The following ANKRD54 variants were observed in gnomAD, a reference collection of about 807,000 sequenced individuals.
ANKRD54 encodes the protein ankyrin repeat domain 54.
A neutral mutation model predicts 36.2 loss-of-function variants in ANKRD54; 26 were observed. The ratio of observed to expected loss-of-function variants is 0.72; its 90% confidence interval spans 0.53 to 1.00. The LOEUF (loss-of-function observed/expected upper bound fraction) is 1.00. Among genes scored for constraint, ANKRD54 ranks in the 50% least tolerant of loss-of-function variants. The pLI, the probability that ANKRD54 is intolerant of heterozygous loss-of-function variation, is 0.00. For missense variants in ANKRD54, 384 were observed against 424.3 expected (o/e 0.91, Z 0.83); for synonymous variants, 209 against 188.4 (o/e 1.11, Z -0.89).
rs1241171503 is a variant in ANKRD54 at position 37,833,166 on chromosome 22, T to C, written c.588A>G (p.Leu196=). 6.2e-6 allele frequency: 10 copies of C among 1,613,744 alleles called. No homozygotes were observed. Among genetic ancestry groups the C allele is most frequent in the Non-Finnish European group, 8.5e-6 (10 of 1,179,990 alleles). ...TNHVPVITTL[L]RGGARVDALD... Reference sequence around the variant, plus strand: ...GGGGAAGAAACCACATACCTCCTCGTAGCAGTGTGGTGATGACAGGAACGT... The same window carrying C: ...GGGGAAGAAACCACATACCTCCTCGCAGCAGTGTGGTGATGACAGGAACGT... Residue 196 remains leucine, a synonymous_variant, in exon 5 of 8, where the codon CTA becomes CTG. Coordinates refer to ENST00000215941, the MANE Select transcript of ANKRD54 (RefSeq NM_138797.4).
upstream of ANKRD54, chr22:37,847,668 A>T (rs5750504): frequency 0.6 from 287,599 of 479,318 alleles, 87,543 homozygotes; most frequent in East Asian, 0.87. Context: ...AATTTTACAA[A>T]AGCAAAGGAC....
At chr22:37,847,605 TCTCA>T (rs559233792), upstream of ANKRD54, 71 of 474,608 alleles carry the variant, frequency 1.5e-4, no homozygotes, top group East Asian at 4.2e-3. Context: ...GTCATTATTT[TCTCA>T]CTGTTACAAT....
chr22:37,833,033 C>T lies in ANKRD54; in HGVS notation c.645G>A (p.Leu215=). 1.2e-6 allele frequency: 2 copies of T among 1,614,160 alleles called. No homozygotes were observed. The highest frequency in any genetic ancestry group is 1.7e-6 in the Non-Finnish European group (2 of 1,180,038). ...LDRAGRTPLH[L]AKSKLNILQE... is the part of the protein sequence containing the mutation. Reference sequence around the variant, plus strand: ...GCAGGATATTCAGCTTTGACTTGGCCAGGTGCAGGGGTGTGCGACCAGCTC... The same window carrying T: ...GCAGGATATTCAGCTTTGACTTGGCTAGGTGCAGGGGTGTGCGACCAGCTC... The change falls in exon 6 of 8, where the codon CTG becomes CTA. Residue 215 remains leucine, a synonymous_variant. Transcript: ENST00000215941.
Position 37,832,981 on chromosome 22 carries a change from C to A in ANKRD54, c.697G>T (p.Ala233Ser). 6.2e-7 allele frequency: 1 copy of A among 1,613,990 alleles called. No individual in the cohort carries two copies. ...ACCTGCTTCACCTCCAGACGCACAG[C>A]CTCTAGGCACTGGGCATGGCCCTCC... is the stretch of plus-strand genomic sequence containing the variant. ...LQEGHAQCLE[A>S]VRLEVKQIIH... is the part of the protein sequence containing the mutation. Residue 233 changes from alanine (A) to serine (S), a missense_variant, in exon 6 of 8, where the codon GCT (alanine) becomes TCT (serine). This residue lies in a region of ANKRD54 where 179 missense variants were observed against 224.0 expected (regional missense o/e 0.80). Transcript: ENST00000215941.
intron 2 of ANKRD54, 35 bp downstream of exon 2, chr22:37,840,152 G>C (rs1268989741): frequency 1.9e-6 from 3 of 1,613,728 alleles, no homozygotes; most frequent in African/African-American, 1.3e-5. Flanking sequence ...ACCAGCCCAT[G>C]GGACCCTGTA....
At chr22:37,836,601 G>A (rs532491968) in intron 3 of ANKRD54, among the ~76,000 whole-genome samples, 1 of 152,004 alleles carries the variant, frequency 6.6e-6, no homozygotes, top group Admixed American at 6.6e-5. Context: ...GAGAGCATTA[G>A]GACAAATACC....
At chr22:37,833,612 C>T (rs879209488) in intron 4 of ANKRD54, 72 bp downstream of exon 4, 1 of 1,536,598 alleles carries the variant, frequency 6.5e-7, no homozygotes, top group South Asian at 1.1e-5. Flanking sequence ...GCATGCCGGG[C>T]CCCACCCTCT....
Position 37,833,157 on chromosome 22 carries a change from A to C in ANKRD54, c.595+2T>G. On this transcript the variant is annotated splice_donor_variant, in intron 5 of 7. Coordinates refer to ENST00000215941, the MANE Select transcript of ANKRD54 (RefSeq NM_138797.4). LOFTEE classifies it high-confidence loss of function. ...GGACAGAGAGGGGAAGAAACCACAT[A>C]CCTCCTCGTAGCAGTGTGGTGATGA... The C allele has an allele frequency of 6.2e-7, 1 of 1,613,570 alleles. No homozygotes were observed.
intron 2 of ANKRD54, among the ~76,000 whole-genome samples, chr22:37,839,511 C>T (rs1435965029): frequency 6.6e-6 from 1 of 152,190 alleles, no homozygotes; most frequent in Non-Finnish European, 1.5e-5. Context: ...CCGCAGCCTC[C>T]CAAGTAGCTG....
At chr22:37,833,554 G>C in intron 4 of ANKRD54, 130 bp downstream of exon 4, 1 of 968,602 alleles carries the variant, frequency 1.0e-6, no homozygotes, top group Non-Finnish European at 1.6e-6. Flanking sequence ...TGCAGCCCTG[G>C]GAGTGCAGGC....
chr22:37,843,291 T>C (rs1313843277), intron 1 of ANKRD54, among the ~76,000 whole-genome samples: 1 of 152,038 alleles, frequency 6.6e-6, no homozygotes, highest in Non-Finnish European at 1.5e-5. Context: ...GGCTTGGTAG[T>C]GGGCGCCTGT....
chr22:37,844,126 G>T lies in ANKRD54; in HGVS notation c.113C>A (p.Ser38Tyr), dbSNP rs1290988151. 4.0e-6 allele frequency: 6 copies of T among 1,493,050 alleles called. No individual in the cohort carries two copies. In the South Asian group the frequency reaches 6.3e-5, roughly 16 times the overall value. 92.5% of individuals were successfully genotyped at this position (1,493,050 alleles called of 1,614,324 possible). ...EPLTDAEGLF[S>Y]FADFGSALGG... ...CAGCGCAGACCCGAAGTCAGCGAAG[G>T]AGAAGAGGCCCTCAGCGTCAGTCAG... Residue 38 changes from serine to tyrosine, a missense_variant, in exon 1 of 8, where the codon TCC becomes TAC. Transcript: ENST00000215941.
At chr22:37,848,601 G>C (rs1036656732), upstream of ANKRD54, 1 of 152,004 alleles carries the variant, frequency 6.6e-6, no homozygotes, top group South Asian at 2.1e-4. Context: ...TCGCCATTTC[G>C]GCCAGGCTGG....
At chr22:37,839,545 G>A (rs984041002) in intron 2 of ANKRD54, among the ~76,000 whole-genome samples, 5 of 152,166 alleles carry the variant, frequency 3.3e-5, no homozygotes, top group East Asian at 1.9e-4. Flanking sequence ...CCACCACCAC[G>A]TCCGGCTAAT....
At chr22:37,841,574 G>A (rs534578916) in intron 1 of ANKRD54, among the ~76,000 whole-genome samples, 1 of 149,914 alleles carries the variant, frequency 6.7e-6, no homozygotes, top group African/African-American at 2.5e-5. Flanking sequence ...CATAGGCCGG[G>A]CACAGTGGCT....
chr22:37,832,822 T>G, intron 6 of ANKRD54, 78 bp from the exon 7 acceptor site: 1 of 1,602,568 alleles, frequency 6.2e-7, no homozygotes, highest in Non-Finnish European at 8.5e-7. Context: ...AAAAGCACAG[T>G]GGAGCAGGTG....
upstream of ANKRD54, among the ~76,000 whole-genome samples, chr22:37,844,874 T>C (rs1038697355): frequency 4.6e-5 from 7 of 152,128 alleles, no homozygotes; most frequent in African/African-American, 7.2e-5. Context: ...GGCCTTTTTT[T>C]TTCTTTTTCC....
At position 37,831,970 on chromosome 22, in the gene ANKRD54, C is replaced by A. The variant is rs1922936501; in HGVS notation, c.876G>T (p.Leu292=). The change falls in exon 8 of 8, where the codon CTG becomes CTT. Residue 292 remains leucine, a synonymous_variant. Coordinates refer to ENST00000215941, the MANE Select transcript of ANKRD54 (RefSeq NM_138797.4). ...ACCTCTTCTCCATGCTCTGCATCTGCAGACTGAGGGAGGTGAAGCTGGCCA... is the reference window on the plus strand; with the variant it reads ...ACCTCTTCTCCATGCTCTGCATCTGAAGACTGAGGGAGGTGAAGCTGGCCA... ...DLLASFTSLS[L]QMQSMEKR The A allele has an allele frequency of 6.2e-7, 1 of 1,613,572 alleles. No homozygotes were observed. Among genetic ancestry groups the A allele is most frequent in the African/African-American group, 1.3e-5 (1 of 74,926 alleles).
At chr22:37,839,127 A>G (rs1266937060) in intron 2 of ANKRD54, among the ~76,000 whole-genome samples, 6 of 152,080 alleles carry the variant, frequency 3.9e-5, no homozygotes, top group Non-Finnish European at 8.8e-5. Context: ...CGCCCACTTC[A>G]GCCTCCCAAA....
Sources: gnomAD v4.1 joint callset for allele counts (sites outside exome capture counted in the v4.1 genomes callset) on GRCh38, gnomAD v4.1.1 for gene constraint, gnomAD v4.1.1 regional missense constraint, MANE v1.5 for transcripts, NCBI Gene and HGNC (gene_info 2026-07-23, HGNC 2026-07-21) for gene names.